RABGEF1: variants seen among roughly 807,000 people sequenced by gnomAD.
RABGEF1 encodes rab5 GDP/GTP exchange factor.
A neutral mutation model predicts 57.3 loss-of-function variants in RABGEF1; 26 were observed. That is an observed-to-expected ratio of 0.45 (90% CI 0.33 to 0.63). The LOEUF is 0.63. Among genes scored for constraint, RABGEF1 ranks in the 20% least tolerant of loss-of-function variants. RABGEF1 has a pLI of 0.02. For synonymous variants in RABGEF1, 185 were observed against 210.7 expected (o/e 0.88, Z 1.06); for missense variants, 464 against 607.6 (o/e 0.76, Z 2.48).
At chr7:66,696,359 T>C (rs909773754) in intron 1 of RABGEF1, among the ~76,000 whole-genome samples, 3 of 152,040 alleles carry the variant, frequency 2.0e-5, no homozygotes, top group African/African-American at 7.2e-5. Flanking sequence ...TCATCCAGTG[T>C]GGCCAAGGGA....
At chr7:66,698,555 AG>A in intron 1 of RABGEF1, among the ~76,000 whole-genome samples, 1 of 152,292 alleles carries the variant, frequency 6.6e-6, no homozygotes, top group South Asian at 2.1e-4. Context: ...ATTTTGGAGC[AG>A]GGTCTCTGGG....
intron 2 of RABGEF1, among the ~76,000 whole-genome samples, chr7:66,732,203 G>A (rs184866341): frequency 2.6e-5 from 4 of 152,330 alleles, no homozygotes; most frequent in East Asian, 1.9e-4. Flanking sequence ...CTGGAGCACC[G>A]TCCATAAGCG....
intron 1 of RABGEF1, among the ~76,000 whole-genome samples, chr7:66,696,930 G>A (rs1288983753): frequency 6.6e-6 from 1 of 152,178 alleles, no homozygotes; most frequent in Non-Finnish European, 1.5e-5. Context: ...GGAAGGGGAA[G>A]AACAGCTGGC....
chr7:66,723,000 A>C (rs894063242), intron 2 of RABGEF1, among the ~76,000 whole-genome samples: 1 of 150,630 alleles, frequency 6.6e-6, no homozygotes, highest in Non-Finnish European at 1.5e-5. Flanking sequence ...ATGGAGTTTC[A>C]CTCTGTCACC....
At chr7:66,700,813 C>A (rs1793136409) in intron 1 of RABGEF1, among the ~76,000 whole-genome samples, 1 of 152,248 alleles carries the variant, frequency 6.6e-6, no homozygotes, top group South Asian at 2.1e-4. Context: ...CCTGGACACT[C>A]TCTGAGGACA....
At chr7:66,786,751 T>G (rs574172774) in intron 4 of RABGEF1, among the ~76,000 whole-genome samples, 2 of 152,340 alleles carry the variant, frequency 1.3e-5, no homozygotes, top group Non-Finnish European at 2.9e-5. Flanking sequence ...GCTTGTTTAT[T>G]TTGCTCTTTT....
the RABGEF1 span, among the ~76,000 whole-genome samples, chr7:66,668,197 A>T: frequency 2.6e-5 from 4 of 152,216 alleles, no homozygotes; most frequent in African/African-American, 4.8e-5. Flanking sequence ...TCCTGGACTC[A>T]AGTAATCCTC....
chr7:66,797,584 G>C lies in RABGEF1; in HGVS notation c.728+78G>C. ...ACACTGGGGGGAAAATAATGCACCT[G>C]TGTTTCAAACCTTAAGGGAAAGCAA... On this transcript the variant is annotated intron_variant, in intron 6 of 8. Transcript: ENST00000284957. The C allele has an allele frequency of 2.7e-6, 4 of 1,490,840 alleles. No homozygotes were observed. The East Asian group carries it at 9.3e-5, about 35-fold the overall frequency. 92.4% of individuals were successfully genotyped at this position (1,490,840 alleles called of 1,614,324 possible).
At chr7:66,687,230 GTCC>G (rs1043302183) in intron 1 of RABGEF1, among the ~76,000 whole-genome samples, 17 of 149,106 alleles carry the variant, frequency 1.1e-4, no homozygotes, top group Middle Eastern at 3.5e-3. Flanking sequence ...AGTTCAAGCA[GTCC>G]TCCTGCCTCG....
upstream of RABGEF1, among the ~76,000 whole-genome samples, chr7:66,737,812 C>A (rs1318568348): frequency 6.6e-6 from 1 of 152,040 alleles, no homozygotes; most frequent in Non-Finnish European, 1.5e-5. Context: ...GAGCCATGAT[C>A]CTACCACCGT....
At chr7:66,709,986 T>C (rs1265726827) in intron 1 of RABGEF1, among the ~76,000 whole-genome samples, 1 of 152,114 alleles carries the variant, frequency 6.6e-6, no homozygotes, top group Non-Finnish European at 1.5e-5. Flanking sequence ...GTGGAGAAAA[T>C]ATTTTATTTT....
intron 1 of RABGEF1, among the ~76,000 whole-genome samples, chr7:66,701,372 C>T (rs977619576): frequency 6.6e-6 from 1 of 152,072 alleles, no homozygotes; most frequent in Non-Finnish European, 1.5e-5. Context: ...CATGGTGGCG[C>T]ACACCAGTAG....
intron 2 of RABGEF1, among the ~76,000 whole-genome samples, chr7:66,726,668 A>G (rs1405766543): frequency 2.6e-5 from 4 of 151,754 alleles, no homozygotes; most frequent in Non-Finnish European, 5.9e-5. Flanking sequence ...CACCCAGCCC[A>G]AAAAGCAGAG....
At chr7:66,802,471 C>A (rs991849792) in intron 7 of RABGEF1, among the ~76,000 whole-genome samples, 28 of 152,116 alleles carry the variant, frequency 1.8e-4, no homozygotes, top group African/African-American at 6.8e-4. Context: ...GAAGGCAGAG[C>A]CCTGGGAGAA....
intron 8 of RABGEF1, among the ~76,000 whole-genome samples, chr7:66,808,654 C>T (rs919889586): frequency 6.6e-6 from 1 of 152,084 alleles, no homozygotes; most frequent in East Asian, 1.9e-4. Context: ...TCATGGTGCA[C>T]CTGGGGAGGC....
intron 2 of RABGEF1, among the ~76,000 whole-genome samples, chr7:66,732,791 G>A (rs1033266875): frequency 2.6e-5 from 4 of 151,804 alleles, no homozygotes; most frequent in Admixed American, 2.6e-4. Context: ...CTCTCTTGCT[G>A]TCTCTCTCGC....
chr7:66,803,173 T>C (rs551278779), intron 7 of RABGEF1, among the ~76,000 whole-genome samples: 2 of 152,310 alleles, frequency 1.3e-5, no homozygotes, highest in South Asian at 2.1e-4. Flanking sequence ...ATTCACACAG[T>C]AGCCTCATAA....
At chr7:66,699,864 AAAAAT>A (rs1236673626) in intron 1 of RABGEF1, among the ~76,000 whole-genome samples, 2 of 152,160 alleles carry the variant, frequency 1.3e-5, no homozygotes, top group Non-Finnish European at 2.9e-5. Context: ...AAAATAAAAT[AAAAAT>A]AAAATGGGAA....
intron 5 of RABGEF1, among the ~76,000 whole-genome samples, chr7:66,796,405 A>C (rs1785933651): frequency 6.6e-6 from 1 of 152,134 alleles, no homozygotes. Flanking sequence ...TGAAAGGATA[A>C]GTTTCATCAG....
Sources: gnomAD v4.1 joint callset for allele counts (sites outside exome capture counted in the v4.1 genomes callset) on GRCh38, gnomAD v4.1.1 for gene constraint, MANE v1.5 for transcripts, NCBI Gene and HGNC (gene_info 2026-07-23, HGNC 2026-07-21) for gene names.